Variants in C14orf180 observed in about 807,000 individuals in gnomAD.
The protein encoded by C14orf180 is nutritionally-regulated adipose and cardiac enriched protein homolog.
C14orf180 carries 13 observed loss-of-function variants against 13.9 expected under a neutral mutation model. The observed-to-expected ratio is 0.94, with a 90% CI of 0.61 to 1.49. The LOEUF is 1.49. C14orf180 is among the 40% of genes most tolerant of loss of function. The pLI is 0.00. For synonymous variants in C14orf180, 113 were observed against 106.3 expected (o/e 1.06, Z -0.39); for missense variants, 238 against 232.0 (o/e 1.03, Z -0.17).
Position 104,589,076 on chromosome 14 carries a change from C to T in C14orf180, c.*293C>T. 1.7e-6 allele frequency: 1 copy of T among 581,888 alleles called. No homozygotes were observed. The highest frequency in any genetic ancestry group is 2.9e-6 in the Non-Finnish European group (1 of 350,038). 36.0% of individuals were successfully genotyped at this position (581,888 alleles called of 1,614,324 possible). ...CTGCTAACAGTTGAGGCTCCCCAGG[C>T]TCACCCAAAGACCCCTCCCTCGTCC... On this transcript the variant is annotated 3_prime_UTR_variant, in exon 5 of 5. Coordinates refer to ENST00000557649, the MANE Select transcript of C14orf180 (RefSeq NM_001008404.3). The surrounding 1 kb of genome is among the most constrained non-coding windows in gnomAD (Gnocchi z 4.9).
chr14:104,582,655 G>A (rs890040510), intron 1 of C14orf180, among the ~76,000 whole-genome samples: 16 of 152,286 alleles, frequency 1.1e-4, no homozygotes, highest in African/African-American at 3.4e-4. Flanking sequence ...CAGGGAGCTC[G>A]GTGCCCCCTC....
chr14:104,587,980 A>C, intron 3 of C14orf180, 102 bp downstream of exon 3: 1 of 1,411,930 alleles, frequency 7.1e-7, no homozygotes, highest in Non-Finnish European at 9.5e-7. Flanking sequence ...GGCCCAGGAC[A>C]TGGGGGGGCC....
rs745869373 is a variant in C14orf180 at position 104,588,783 on chromosome 14, ACGGG to A, written c.*2_*5del. 5.1e-5 allele frequency: 25 copies of A among 486,962 alleles called. No individual in the cohort carries two copies. In the African/African-American group the frequency reaches 4.9e-3, roughly 95 times the overall value. The allele number at this position is 486,962 out of a possible 1,614,324, so 30.2% of individuals were successfully genotyped here. A position where few individuals can be genotyped will look rare whatever the true frequency, so the allele number is the denominator to read the frequency against. On this transcript the variant is annotated 3_prime_UTR_variant, in exon 5 of 5. Coordinates refer to ENST00000557649, the MANE Select transcript of C14orf180 (RefSeq NM_001008404.3). ...GCTGGCGCGGCCTCCTGCGGCTCTG[ACGGG>A]CAGGACGGGCAGGACGGGCAGGGCT...
In C14orf180 at chr14:104,589,019, C is replaced by T. The variant is rs887322829; in HGVS notation, c.*236C>T. On this transcript the variant is annotated 3_prime_UTR_variant, in exon 5 of 5. Transcript: ENST00000557649. This position sits in a 1 kb window ranked among gnomAD's most constrained non-coding sequence, Gnocchi z 4.9. ...AGCCCTCCTGTCTCCTGTGTTGGGT[C>T]CATGTGAGATTTTATTAGAAAGAGG... 1.2e-6 allele frequency: 1 copy of T among 831,054 alleles called. No homozygotes were observed. The highest frequency in any genetic ancestry group is 3.0e-5 in the East Asian group (1 of 33,576). 51.5% of individuals were successfully genotyped at this position (831,054 alleles called of 1,614,324 possible).
chr14:104,586,390 T>C (rs2140463462), intron 1 of C14orf180, 25 bp from the exon 2 acceptor site: 7 of 1,357,032 alleles, frequency 5.2e-6, no homozygotes, highest in Non-Finnish European at 5.9e-6. Context: ...CAGTAAATAA[T>C]AAATAACGTC....
At chr14:104,588,423 T>C (rs570203119) in intron 4 of C14orf180, 114 bp downstream of exon 4, 22 of 1,519,774 alleles carry the variant, frequency 1.4e-5, no homozygotes, top group African/African-American at 1.4e-5. Context: ...GAGTCCCCAG[T>C]TGGGGAGCTC....
chr14:104,584,004 CA>C (rs1886526985), intron 1 of C14orf180, among the ~76,000 whole-genome samples: 1 of 152,198 alleles, frequency 6.6e-6, no homozygotes, highest in Non-Finnish European at 1.5e-5. Context: ...CTTGCACACT[CA>C]GGGGAATACT....
chr14:104,587,722 C>A (rs1371773913), intron 2 of C14orf180, 27 bp from the exon 3 acceptor site: 3 of 1,609,940 alleles, frequency 1.9e-6, no homozygotes, highest in Non-Finnish European at 2.5e-6. Flanking sequence ...CGGGGACTCA[C>A]CAGTCTGCTT....
At chr14:104,585,620 G>C (rs1189044635) in intron 1 of C14orf180, among the ~76,000 whole-genome samples, 1 of 152,134 alleles carries the variant, frequency 6.6e-6, no homozygotes, top group African/African-American at 2.4e-5. Context: ...CAGAGATAGA[G>C]GTAGAGAGAT....
intron 1 of C14orf180, among the ~76,000 whole-genome samples, chr14:104,582,906 C>A (rs1886485894): frequency 6.6e-6 from 1 of 152,206 alleles, no homozygotes; most frequent in African/African-American, 2.4e-5. Context: ...TCCCCGCCCC[C>A]ACCTGCCGAG....
rs117157375 is a variant in C14orf180 at position 104,589,933 on chromosome 14, G to A, written c.*1150G>A. On this transcript the variant is annotated 3_prime_UTR_variant, in exon 5 of 5. Transcript: ENST00000557649. The surrounding 1 kb of genome is among the most constrained non-coding windows in gnomAD (Gnocchi z 4.9). ...AGTGGCCAAAGCGGATGTCCTGGGC[G>A]CCTGGAACCTCCCCATCTCCTGCAG... 0.041 allele frequency: 6,211 copies of A among 152,300 alleles called. 187 individuals carry two copies. Among genetic ancestry groups the A allele is most frequent in the Non-Finnish European group, 0.061 (4,142 of 68,040 alleles). The allele number at this position is 152,300 out of a possible 1,614,324, so 9.4% of individuals were successfully genotyped here.
chr14:104,585,125 G>A (rs1886574534), intron 1 of C14orf180, among the ~76,000 whole-genome samples: 1 of 152,244 alleles, frequency 6.6e-6, no homozygotes, highest in African/African-American at 2.4e-5. Flanking sequence ...AGCCAGGGAA[G>A]CATCTCAGGA....
At chr14:104,584,147 G>C (rs1341325543) in intron 1 of C14orf180, among the ~76,000 whole-genome samples, 1 of 152,238 alleles carries the variant, frequency 6.6e-6, no homozygotes, top group South Asian at 2.1e-4. Context: ...GTCCAGCCCT[G>C]CATCCCTGCG....
At chr14:104,581,787 T>C (rs1886444986) in intron 1 of C14orf180, among the ~76,000 whole-genome samples, 1 of 151,794 alleles carries the variant, frequency 6.6e-6, no homozygotes, top group Non-Finnish European at 1.5e-5. Context: ...TGAGTTGCCC[T>C]GGGGGAGGCT....
At chr14:104,588,550 G>A (rs955379648) in intron 4 of C14orf180, 28 bp from the exon 5 acceptor site, 16 of 1,442,192 alleles carry the variant, frequency 1.1e-5, no homozygotes, top group Middle Eastern at 4.9e-4. Context: ...GCTGGCTGGC[G>A]CTGACCCTGC....
At chr14:104,584,806 T>C (rs1886562122) in intron 1 of C14orf180, among the ~76,000 whole-genome samples, 1 of 152,222 alleles carries the variant, frequency 6.6e-6, no homozygotes, top group Admixed American at 6.5e-5. Flanking sequence ...TTTGAAATAA[T>C]TGAACCCGTC....
At chr14:104,581,643 G>C (rs1186773544) in intron 1 of C14orf180, 1 of 146,572 alleles carries the variant, frequency 6.8e-6, no homozygotes, top group Middle Eastern at 3.4e-3. Flanking sequence ...GGGGCAGAGA[G>C]AGAGAGAGAG....
intron 1 of C14orf180, chr14:104,581,053 G>A (rs532375097): frequency 6.6e-6 from 1 of 152,394 alleles, no homozygotes; most frequent in African/African-American, 2.4e-5. Context: ...CAAGCCCAGT[G>A]GGCGGTCAGC....
chr14:104,587,010 C>T (rs1417477493), intron 2 of C14orf180, among the ~76,000 whole-genome samples: 1 of 152,210 alleles, frequency 6.6e-6, no homozygotes, highest in East Asian at 1.9e-4. Context: ...GCAGGCCTCA[C>T]GCCCTCGCGG....
Sources: gnomAD v4.1 joint callset for allele counts (sites outside exome capture counted in the v4.1 genomes callset) on GRCh38, gnomAD v4.1.1 for gene constraint, Gnocchi (gnomAD v3.1) non-coding constraint, MANE v1.5 for transcripts, NCBI Gene and HGNC (gene_info 2026-07-23, HGNC 2026-07-21) for gene names.